Variants in CSMD1 observed in about 807,000 individuals in gnomAD.
CSMD1 encodes the protein CUB and Sushi multiple domains 1, also known as CUB and sushi domain-containing protein 1.
CSMD1 carries 213 observed loss-of-function variants against 417.5 expected under a neutral mutation model. The observed-to-expected ratio is 0.51, with a 90% CI of 0.46 to 0.57. The LOEUF (loss-of-function observed/expected upper bound fraction) is 0.57, where lower values mean the gene tolerates loss of function less well. CSMD1 is among the 20% of genes least tolerant of loss of function. The pLI, the probability that CSMD1 is intolerant of heterozygous loss-of-function variation, is 0.00. For missense variants in CSMD1, 6,923 were observed against 4,529.7 expected (o/e 1.53, Z -15.17); for synonymous variants, 2,862 against 1,736.8 (o/e 1.65, Z -16.11).
At chr8:4,407,744 A>T (rs1374723632) in intron 3 of CSMD1, among the ~76,000 whole-genome samples, 1 of 152,230 alleles carries the variant, frequency 6.6e-6, no homozygotes, top group Non-Finnish European at 1.5e-5. Flanking sequence ...GCATGTAAGC[A>T]TTCCTTTAAA....
chr8:3,710,805 A>C (rs900099), intron 6 of CSMD1, among the ~76,000 whole-genome samples: 1 of 151,904 alleles, frequency 6.6e-6, no homozygotes, highest in African/African-American at 2.4e-5. Context: ...AGGCTCACAG[A>C]TGCACAGGGA....
chr8:4,851,493 T>C (rs1463472733), intron 1 of CSMD1, among the ~76,000 whole-genome samples: 2 of 152,068 alleles, frequency 1.3e-5, no homozygotes, highest in Admixed American at 6.5e-5. Flanking sequence ...GAGTATTTCA[T>C]CCATGGCGCT....
intron 3 of CSMD1, among the ~76,000 whole-genome samples, chr8:4,325,390 C>T (rs1051615855): frequency 2.0e-5 from 3 of 152,034 alleles, no homozygotes; most frequent in Non-Finnish European, 2.9e-5. Flanking sequence ...CCTCCAAATC[C>T]CACTGTGATC....
intron 1 of CSMD1, among the ~76,000 whole-genome samples, chr8:4,750,225 T>C (rs1037864052): frequency 6.6e-6 from 1 of 151,458 alleles, no homozygotes; most frequent in Admixed American, 6.6e-5. Flanking sequence ...GCCACGATGG[T>C]CTCGATCTCC....
chr8:4,519,519 C>G (rs572620055), intron 2 of CSMD1, among the ~76,000 whole-genome samples: 19 of 151,636 alleles, frequency 1.3e-4, no homozygotes, highest in Non-Finnish European at 1.2e-4. Context: ...CAGGGTGGAT[C>G]ATCTGAGGTC....
At chr8:4,169,821 T>C (rs181063069) in intron 3 of CSMD1, among the ~76,000 whole-genome samples, 1 of 152,254 alleles carries the variant, frequency 6.6e-6, no homozygotes, top group East Asian at 1.9e-4. Context: ...ACTTTCTGTC[T>C]GCCCTTCCTG....
chr8:3,570,862 G>A (rs563103796), intron 10 of CSMD1, among the ~76,000 whole-genome samples: 3 of 152,308 alleles, frequency 2.0e-5, no homozygotes, highest in Non-Finnish European at 4.4e-5. Context: ...CTGTCAAGTA[G>A]TAAAAGGTTT....
At chr8:3,581,429 C>G (rs951377999) in intron 9 of CSMD1, among the ~76,000 whole-genome samples, 1 of 152,170 alleles carries the variant, frequency 6.6e-6, no homozygotes, top group Non-Finnish European at 1.5e-5. Flanking sequence ...AATGTTGCCC[C>G]CCGTTCTCAG....
At chr8:4,971,896 G>C (rs1810261897) in intron 1 of CSMD1, among the ~76,000 whole-genome samples, 1 of 152,016 alleles carries the variant, frequency 6.6e-6, no homozygotes, top group Admixed American at 6.6e-5. Flanking sequence ...AATAGTAGTA[G>C]GTGATGACTT....
chr8:4,086,326 T>C (rs1235754652), intron 3 of CSMD1, among the ~76,000 whole-genome samples: 1 of 152,214 alleles, frequency 6.6e-6, no homozygotes, highest in East Asian at 1.9e-4. Flanking sequence ...CCAAAGCCTT[T>C]TTCATTAAGC....
chr8:4,376,195 C>T (rs369775623), intron 3 of CSMD1, among the ~76,000 whole-genome samples: 2 of 152,204 alleles, frequency 1.3e-5, no homozygotes, highest in South Asian at 4.1e-4. Flanking sequence ...AATTTATTTT[C>T]TGCTGGCTCT....
intron 3 of CSMD1, among the ~76,000 whole-genome samples, chr8:4,096,008 G>C (rs966836552): frequency 2.0e-5 from 3 of 152,076 alleles, no homozygotes; most frequent in Non-Finnish European, 4.4e-5. Context: ...CAGAAACATA[G>C]GAAAGGATAA....
chr8:3,188,310 T>C (rs1259626236), intron 35 of CSMD1, among the ~76,000 whole-genome samples: 2 of 132,664 alleles, frequency 1.5e-5, no homozygotes, highest in African/African-American at 5.6e-5. Flanking sequence ...CTTTCTTTTT[T>C]TTTTTTTTTT....
chr8:3,351,709 T>C (rs1007642039), intron 21 of CSMD1, among the ~76,000 whole-genome samples: 5 of 148,544 alleles, frequency 3.4e-5, no homozygotes, highest in Admixed American at 6.8e-5. Context: ...TAATTGTATA[T>C]AGAAACAAAA....
intron 2 of CSMD1, among the ~76,000 whole-genome samples, chr8:4,633,789 G>C (rs903791712): frequency 6.6e-6 from 1 of 151,740 alleles, no homozygotes; most frequent in African/African-American, 2.4e-5. Flanking sequence ...TCAAACTCCT[G>C]ACCTCAGGTG....
intron 2 of CSMD1, among the ~76,000 whole-genome samples, chr8:4,495,584 GA>G (rs67875283): frequency 6.6e-6 from 1 of 151,270 alleles, no homozygotes; most frequent in African/African-American, 2.4e-5. Flanking sequence ...CAGAAAAAAA[GA>G]AAAAAAAGAA....
At chr8:3,646,934 A>T (rs1323847936) in intron 7 of CSMD1, among the ~76,000 whole-genome samples, 1 of 152,152 alleles carries the variant, frequency 6.6e-6, no homozygotes, top group East Asian at 1.9e-4. Context: ...AAAAATTTAA[A>T]ACCTCAACAA....
chr8:3,617,281 C>T (rs1802188710), intron 7 of CSMD1, among the ~76,000 whole-genome samples: 2 of 152,084 alleles, frequency 1.3e-5, no homozygotes, highest in Non-Finnish European at 2.9e-5. Flanking sequence ...GAACTAAAAC[C>T]CATAATGGTT....
At chr8:3,841,466 G>C (rs1803127585) in intron 5 of CSMD1, among the ~76,000 whole-genome samples, 3 of 152,228 alleles carry the variant, frequency 2.0e-5, no homozygotes, top group African/African-American at 7.2e-5. Context: ...GCAAGACCAA[G>C]CACTGCATTC....
Sources: gnomAD v4.1 joint callset for allele counts (sites outside exome capture counted in the v4.1 genomes callset) on GRCh38, gnomAD v4.1.1 for gene constraint, MANE v1.5 for transcripts, NCBI Gene and HGNC (gene_info 2026-07-23, HGNC 2026-07-21) for gene names.